PGM2L1: variants seen among roughly 807,000 people sequenced by gnomAD.
PGM2L1 encodes phosphoglucomutase 2 like 1.
A neutral mutation model predicts 73.4 loss-of-function variants in PGM2L1; 35 were observed. The ratio of observed to expected loss-of-function variants is 0.48; its 90% CI spans 0.36 to 0.63. The LOEUF is 0.63. Among genes scored for constraint, PGM2L1 ranks in the 30% least tolerant of loss-of-function variants. PGM2L1 has a pLI of 0.00. For synonymous variants in PGM2L1, 225 were observed against 253.8 expected, an observed-to-expected ratio of 0.89 and a Z score of 1.08; for missense variants, 570 against 742.0, an observed-to-expected ratio of 0.77 and a Z score of 2.69.
rs1862020723 is a variant in PGM2L1, at chr11:74,331,825, C to T, written c.*4827G>A. 1 of 152,152 alleles carries T rather than the reference C, an allele frequency of 6.6e-6. No homozygotes were observed. The highest frequency in any genetic ancestry group is 1.5e-5 in the Non-Finnish European group (1 of 68,054). 9.4% of individuals were successfully genotyped at this position (152,152 alleles called of 1,614,324 possible). ...CTGATTCTGATTTTGCTCTCAGAAC[C>T]CCTTCCCCCTTCATCATGCCCCTCT... On this transcript the variant is annotated 3_prime_UTR_variant, in exon 14 of 14. Transcript: ENST00000298198.
chr11:74,376,501 ATATG>A (rs1178417943), intron 1 of PGM2L1, among the ~76,000 whole-genome samples: 9 of 150,892 alleles, frequency 6.0e-5, no homozygotes, highest in African/African-American at 2.2e-4. Context: ...TATATAGTAT[ATATG>A]TGTGTATATA....
intron 5 of PGM2L1, among the ~76,000 whole-genome samples, chr11:74,365,493 T>G (rs1862640985): frequency 6.6e-6 from 1 of 152,168 alleles, no homozygotes; most frequent in Non-Finnish European, 1.5e-5. Context: ...ATCCAGAATC[T>G]ACAAATAACT....
Position 74,347,272 on chromosome 11 carries a change from T to A in PGM2L1, c.815A>T (p.Tyr272Phe). ...HTSFHGVGHD[Y>F]VQLAFKVFGF... ...AAACACTTTAAAAGCCAACTGCACA[T>A]AGTCATGTCCGACCCCATGAAAAGA... Residue 272 changes from tyrosine (Y) to phenylalanine (F), a missense_variant, in exon 7 of 14, where the codon TAT (tyrosine) becomes TTT (phenylalanine). Coordinates refer to ENST00000298198, the MANE Select transcript of PGM2L1 (RefSeq NM_173582.6). 6.2e-7 allele frequency: 1 copy of A among 1,613,024 alleles called. No homozygotes were observed. The highest frequency in any genetic ancestry group is 1.7e-4 in the Middle Eastern group (1 of 6,058).
chr11:74,343,308 A>G lies in PGM2L1; in HGVS notation c.1312+15T>C, dbSNP rs778625668. 9.6e-6 allele frequency: 15 copies of G among 1,556,934 alleles called. No homozygotes were observed. Among genetic ancestry groups the G allele is most frequent in the African/African-American group, 1.4e-5 (1 of 71,600 alleles). On this transcript the variant is annotated intron_variant, in intron 10 of 13. Transcript: ENST00000298198. ...TATCAATCAAATTTTGAAGATTTTAATATTTACTACATACCAATAGACTCT... is the reference window on the plus strand; with the variant it reads ...TATCAATCAAATTTTGAAGATTTTAGTATTTACTACATACCAATAGACTCT...
intron 8 of PGM2L1, among the ~76,000 whole-genome samples, chr11:74,346,270 C>CAAAAAAAAAAAAAAAA (rs751742460): frequency 5.2e-5 from 3 of 57,884 alleles, no homozygotes; most frequent in Non-Finnish European, 9.1e-5. Context: ...ACTATGTCTC[C>CAAAAAAAAAAAAAAAA]AAAAAAAAAA....
intron 5 of PGM2L1, among the ~76,000 whole-genome samples, chr11:74,351,789 T>C (rs1402847919): frequency 3.3e-5 from 5 of 151,668 alleles, no homozygotes; most frequent in Middle Eastern, 3.2e-3. Flanking sequence ...GGTGAAACCC[T>C]GTCTCTACTA....
At chr11:74,379,329 A>T (rs1862904693) in intron 1 of PGM2L1, among the ~76,000 whole-genome samples, 1 of 152,144 alleles carries the variant, frequency 6.6e-6, no homozygotes, top group African/African-American at 2.4e-5. Context: ...CAAGCTATTC[A>T]TGAGGGAACC....
rs1282562351 is a variant in PGM2L1 at position 74,346,831 on chromosome 11, T to C, written c.940-2A>G. 6.2e-7 allele frequency: 1 copy of C among 1,611,438 alleles called. No homozygotes were observed. The highest frequency in any genetic ancestry group is 1.7e-5 in the Admixed American group (1 of 60,004). On this transcript the variant is annotated splice_acceptor_variant, in intron 7 of 13. Coordinates refer to ENST00000298198, the MANE Select transcript of PGM2L1 (RefSeq NM_173582.6). LOFTEE classifies it high-confidence loss of function. The stretch of plus-strand genomic sequence containing the variant: ...CTCTGCCAGTCTCAAGGAAAGTTCC[T>C]GAAACAGTGACCCAAAAAGCTGGAT...
At chr11:74,379,874 G>A (rs183773794) in intron 1 of PGM2L1, among the ~76,000 whole-genome samples, 2 of 152,048 alleles carry the variant, frequency 1.3e-5, no homozygotes, top group East Asian at 1.9e-4. Context: ...AGAGTGAGCC[G>A]AGATCATGAC....
rs1329922072 is a variant in PGM2L1 at position 74,343,407 on chromosome 11, G to A, written c.1228C>T (p.Pro410Ser). 1 of 1,605,016 alleles carries A rather than the reference G, an allele frequency of 6.2e-7. No homozygotes were observed. The highest frequency in any genetic ancestry group is 2.2e-5 in the East Asian group (1 of 44,678). The part of the protein sequence containing the change: ...KEGFHFEETL[P>S]GFKWIGSRII... ...CTACTTCCAATCCATTTAAAACCTG[G>A]TAATGTTTCCTGAAATGCAGAGGAG... is the stretch of plus-strand genomic sequence containing the variant. The change falls in exon 10 of 14, where the codon CCA becomes TCA. Residue 410 changes from proline (P) to serine (S), a missense_variant. Transcript: ENST00000298198.
At chr11:74,386,605 A>C (rs1863022036) in intron 1 of PGM2L1, among the ~76,000 whole-genome samples, 1 of 151,926 alleles carries the variant, frequency 6.6e-6, no homozygotes, top group Admixed American at 6.6e-5. Flanking sequence ...CCTCCCAAGT[A>C]GCTGAGACTA....
intron 12 of PGM2L1, among the ~76,000 whole-genome samples, chr11:74,341,948 A>G (rs1420109267): frequency 6.6e-6 from 1 of 152,122 alleles, no homozygotes; most frequent in Admixed American, 6.5e-5. Context: ...GACATCTGTA[A>G]GCTGTCATGG....
rs2134867525 is a variant in PGM2L1, at chr11:74,331,262, T to C, written c.*5390A>G. 1 of 109,252 alleles carries C rather than the reference T, an allele frequency of 9.2e-6. No homozygotes were observed. Among genetic ancestry groups the C allele is most frequent in the South Asian group, 3.6e-4 (1 of 2,766 alleles). The allele number at this position is 109,252 out of a possible 1,614,324, so 6.8% of individuals were successfully genotyped here. On this transcript the variant is annotated 3_prime_UTR_variant, in exon 14 of 14. Transcript: ENST00000298198. ...TCTGGATATGTTCTATGTTTATATA[T>C]CTTTTTTTTTTTTTTTTGAGATGGA...
chr11:74,360,760 G>A (rs1230723201), intron 5 of PGM2L1, among the ~76,000 whole-genome samples: 7 of 152,230 alleles, frequency 4.6e-5, no homozygotes, highest in Non-Finnish European at 1.0e-4. Flanking sequence ...TATATCCCGA[G>A]CCTGGCTCGG....
chr11:74,397,830 G>T, intron 1 of PGM2L1: 4 of 461,836 alleles, frequency 8.7e-6, no homozygotes, highest in East Asian at 4.2e-5. Flanking sequence ...GGTTACAATT[G>T]AGAGCACTGC....
intron 1 of PGM2L1, among the ~76,000 whole-genome samples, chr11:74,377,288 C>G (rs1287648363): frequency 6.6e-6 from 1 of 152,064 alleles, no homozygotes; most frequent in African/African-American, 2.4e-5. Flanking sequence ...CGCCCGCCAC[C>G]ACGCCCAGCT....
intron 7 of PGM2L1, 117 bp downstream of exon 7, chr11:74,347,031 A>G: frequency 9.8e-7 from 1 of 1,017,358 alleles, no homozygotes. Context: ...CAATACAATT[A>G]AAAGATGTAA....
chr11:74,355,094 TG>T (rs1313810338), intron 5 of PGM2L1: 1 of 1,277,140 alleles, frequency 7.8e-7, no homozygotes, highest in African/African-American at 1.5e-5. Context: ...AGGACAACTT[TG>T]GTTGTGGAGG....
intron 1 of PGM2L1, among the ~76,000 whole-genome samples, chr11:74,385,396 T>C (rs545228153): frequency 5.3e-5 from 8 of 152,198 alleles, no homozygotes; most frequent in Non-Finnish European, 8.8e-5. Flanking sequence ...AGGATAGATA[T>C]TTGAAATCAT....
Sources: gnomAD v4.1 joint callset for allele counts (sites outside exome capture counted in the v4.1 genomes callset) on GRCh38, gnomAD v4.1.1 for gene constraint, MANE v1.5 for transcripts, NCBI Gene and HGNC (gene_info 2026-07-23, HGNC 2026-07-21) for gene names.